Variants in PKD2L2 observed in about 807,000 individuals in gnomAD.
PKD2L2 encodes the protein polycystin-2-like protein 2.
In PKD2L2, 67 loss-of-function variants were observed where a neutral mutation model predicts 83.9. The ratio of observed to expected loss-of-function variants is 0.80; its 90% CI spans 0.66 to 0.98. The LOEUF (loss-of-function observed/expected upper bound fraction) is 0.98. Ranked by LOEUF, PKD2L2 falls within the 50% of genes least tolerant of loss-of-function variation. PKD2L2 has a pLI of 0.00. For synonymous variants in PKD2L2, 223 were observed against 237.8 expected, an observed-to-expected ratio of 0.94 and a Z score of 0.57; for missense variants, 632 against 717.2, an observed-to-expected ratio of 0.88 and a Z score of 1.36.
At chr5:137,941,263 C>G (rs766548442) in intron 14 of PKD2L2, among the ~76,000 whole-genome samples, 29 of 151,922 alleles carry the variant, frequency 1.9e-4, no homozygotes, top group Non-Finnish European at 3.5e-4. Flanking sequence ...ACTCACAAAG[C>G]AAAGGGAATT....
At chr5:137,903,043 A>C (rs1757092460) in intron 5 of PKD2L2, among the ~76,000 whole-genome samples, 1 of 152,158 alleles carries the variant, frequency 6.6e-6, no homozygotes, top group Non-Finnish European at 1.5e-5. Context: ...GCTTACAATA[A>C]ATATTTCTCA....
chr5:137,909,402 G>A (rs941483846), intron 8 of PKD2L2, among the ~76,000 whole-genome samples: 5 of 151,724 alleles, frequency 3.3e-5, no homozygotes, highest in Non-Finnish European at 5.9e-5. Context: ...AATGGGTGAC[G>A]GTGTCCATTT....
chr5:137,925,581 A>C (rs1222059259), intron 11 of PKD2L2, among the ~76,000 whole-genome samples: 1 of 152,248 alleles, frequency 6.6e-6, no homozygotes, highest in Non-Finnish European at 1.5e-5. Context: ...TACACACAAT[A>C]CTTACGGACA....
At chr5:137,909,293 T>C (rs1757614452) in intron 8 of PKD2L2, among the ~76,000 whole-genome samples, 1 of 151,280 alleles carries the variant, frequency 6.6e-6, no homozygotes, top group Non-Finnish European at 1.5e-5. Context: ...CCTCCCAAAA[T>C]GCTGGGATTA....
At position 137,926,147 on chromosome 5, in the gene PKD2L2, C is replaced by T. The variant is rs904944860; in HGVS notation, c.1671+218C>T. Among the ~76,000 whole-genome samples, 12 of 152,178 alleles carry T rather than the reference C, an allele frequency of 7.9e-5. 1 individual carries two copies. The highest frequency in any genetic ancestry group is 6.5e-5 in the Admixed American group (1 of 15,282). On this transcript the variant is annotated intron_variant, in intron 12 of 14. Coordinates refer to ENST00000508883, the MANE Select transcript of PKD2L2 (RefSeq NM_001300921.2). ...TCCTACCTGTACTCTCAGCCAGATA[C>T]GTAATCCTACAGGTGTACACTCACT... is the stretch of plus-strand genomic sequence containing the variant.
intron 5 of PKD2L2, among the ~76,000 whole-genome samples, chr5:137,905,303 T>C (rs968958575): frequency 3.3e-5 from 5 of 152,206 alleles, no homozygotes; most frequent in Non-Finnish European, 4.4e-5. Context: ...TTTTCGTTTT[T>C]GTACAATTAT....
intron 12 of PKD2L2, among the ~76,000 whole-genome samples, chr5:137,934,106 G>A (rs774097488): frequency 6.6e-6 from 1 of 152,194 alleles, no homozygotes; most frequent in South Asian, 2.1e-4. Context: ...TTGCAGGAGT[G>A]TAAGGGCCAA....
rs138175687 is a variant in PKD2L2 at position 137,902,531 on chromosome 5, A to G, written c.746+2794A>G. Among the ~76,000 whole-genome samples, 555 of 152,134 alleles carry G rather than the reference A, an allele frequency of 3.6e-3. 6 individuals carry two copies. The highest frequency in any genetic ancestry group is 0.01 in the Middle Eastern group (3 of 294). On this transcript the variant is annotated intron_variant, in intron 5 of 14. Transcript: ENST00000508883. Reference sequence around the variant, plus strand: ...ACAGTAAACATATTTTCTCTTCCCTATGATTTTTTTTTAGTCTGAGTCTCA... The same window carrying G: ...ACAGTAAACATATTTTCTCTTCCCTGTGATTTTTTTTTAGTCTGAGTCTCA...
intron 2 of PKD2L2, among the ~76,000 whole-genome samples, 171 bp downstream of exon 2, chr5:137,890,753 G>A (rs1755896805): frequency 6.6e-6 from 1 of 152,188 alleles, no homozygotes; most frequent in Non-Finnish European, 1.5e-5. Flanking sequence ...ATTTCATTTA[G>A]AAATTGACTA....
At chr5:137,926,567 C>T (rs1341804241) in intron 12 of PKD2L2, among the ~76,000 whole-genome samples, 2 of 152,128 alleles carry the variant, frequency 1.3e-5, no homozygotes, top group African/African-American at 4.8e-5. Flanking sequence ...GATCTATTTG[C>T]GTACATACAT....
rs571342898 is a variant in PKD2L2 at position 137,942,636 on chromosome 5, T to G, written c.*270T>G. 309 of 443,956 alleles carry G rather than the reference T, an allele frequency of 7.0e-4. 1 individual carries two copies. The highest frequency in any genetic ancestry group is 6.1e-3 in the African/African-American group (296 of 48,434). 27.5% of individuals were successfully genotyped at this position (443,956 alleles called of 1,614,324 possible). On this transcript the variant is annotated 3_prime_UTR_variant, in exon 15 of 15. Coordinates refer to ENST00000508883, the MANE Select transcript of PKD2L2 (RefSeq NM_001300921.2). ...CCTCAGCTTCAAAAACTGCTGGGAT[T>G]ATAGGCATGAGCCACTGTGCCTGGC...
chr5:137,896,091 C>T (rs922114490), intron 4 of PKD2L2, among the ~76,000 whole-genome samples: 6 of 151,598 alleles, frequency 4.0e-5, no homozygotes, highest in South Asian at 2.1e-4. Flanking sequence ...ACAGGAAAAT[C>T]GCTTGAACCC....
chr5:137,910,347 GT>G (rs988875671), intron 8 of PKD2L2, among the ~76,000 whole-genome samples: 2 of 151,658 alleles, frequency 1.3e-5, no homozygotes, highest in African/African-American at 4.8e-5. Context: ...CTTACCGTGG[GT>G]AGTGAAGAGG....
Position 137,923,504 on chromosome 5 carries a change from G to T in PKD2L2, c.1534G>T (p.Gly512Cys). The T allele has an allele frequency of 1.4e-6, 2 of 1,481,384 alleles. No homozygotes were observed. Among genetic ancestry groups the T allele is most frequent in the Non-Finnish European group, 1.9e-6 (2 of 1,059,426 alleles). The allele number at this position is 1,481,384 out of a possible 1,614,324, so 91.8% of individuals were successfully genotyped here. ...AGGCAGAAGGCTAGATTTTGAACTTGGCAAAATGATTAAACAGGTAAGTCA... is the reference window on the plus strand; with the variant it reads ...AGGCAGAAGGCTAGATTTTGAACTTTGCAAAATGATTAAACAGGTAAGTCA... ...SIGRRLDFEL[G>C]KMIKQSYKNV... Residue 512 changes from glycine (G) to cysteine (C), a missense_variant, in exon 10 of 15, where the codon GGC (glycine) becomes TGC (cysteine). Gly to Cys is a radical substitution (Grantham distance 159). Coordinates refer to ENST00000508883, the MANE Select transcript of PKD2L2 (RefSeq NM_001300921.2).
chr5:137,935,937 A>C (rs1225088912), intron 13 of PKD2L2, 28 bp downstream of exon 13: 6 of 1,179,472 alleles, frequency 5.1e-6, no homozygotes, highest in Non-Finnish European at 2.5e-6. Context: ...CCAGACTATT[A>C]TGGGATATCA....
chr5:137,915,720 G>T (rs1758269093), intron 8 of PKD2L2, among the ~76,000 whole-genome samples: 1 of 152,172 alleles, frequency 6.6e-6, no homozygotes, highest in Admixed American at 6.5e-5. Flanking sequence ...TTACATCTTT[G>T]TTCATTGTGT....
intron 9 of PKD2L2, among the ~76,000 whole-genome samples, chr5:137,922,721 G>A (rs1759025484): frequency 6.6e-6 from 1 of 152,068 alleles, no homozygotes; most frequent in African/African-American, 2.4e-5. Context: ...CTGGGCAACA[G>A]GGTGGGACCC....
chr5:137,919,272 T>C (rs994063678), intron 8 of PKD2L2, among the ~76,000 whole-genome samples: 2 of 152,204 alleles, frequency 1.3e-5, no homozygotes, highest in Non-Finnish European at 2.9e-5. Flanking sequence ...ATGGTGCTTT[T>C]AGCTTGCAAA....
intron 12 of PKD2L2, among the ~76,000 whole-genome samples, chr5:137,929,552 A>AAC (rs1439559090): frequency 1.3e-5 from 2 of 148,414 alleles, no homozygotes; most frequent in Non-Finnish European, 3.0e-5. Context: ...AAAAAAAAAA[A>AAC]AAAAAAACAG....
Sources: gnomAD v4.1 joint callset for allele counts (sites outside exome capture counted in the v4.1 genomes callset) on GRCh38, gnomAD v4.1.1 for gene constraint, MANE v1.5 for transcripts, NCBI Gene and HGNC (gene_info 2026-07-23, HGNC 2026-07-21) for gene names.